Variants in FHIT observed in about 807,000 individuals in gnomAD.
FHIT encodes fragile histidine triad diadenosine triphosphatase, also known as bis(5'-adenosyl)-triphosphatase.
FHIT carries 19 observed loss-of-function variants against 17.9 expected under a neutral mutation model. The ratio of observed to expected loss-of-function variants is 1.06; its 90% confidence interval spans 0.74 to 1.56. The LOEUF (loss-of-function observed/expected upper bound fraction) is 1.56, where lower values mean the gene tolerates loss of function less well. FHIT is among the 40% of genes most tolerant of loss of function. The pLI is 0.00. For missense variants in FHIT, 248 were observed against 189.2 expected (o/e 1.31, Z -1.82); for synonymous variants, 81 against 69.7 (o/e 1.16, Z -0.81).
rs147975476 is a variant in FHIT, at chr3:60,540,508, C to G, written c.-17-3529G>C. Among the ~76,000 whole-genome samples the G allele has an allele frequency of 3.6e-3, 548 of 152,288 alleles. 1 individual carries two copies. The highest frequency in any genetic ancestry group is 0.012 in the African/African-American group (502 of 41,560). On this transcript the variant is annotated intron_variant, in intron 4 of 9. Transcript: ENST00000492590. ...AGGCTATCTCCAGGTACGTAACATC[C>G]AAATTCTTCTGAAATGAATCAAAGG... is the stretch of plus-strand genomic sequence containing the variant.
intron 3 of FHIT, among the ~76,000 whole-genome samples, chr3:60,983,541 G>T (rs1051329390): frequency 1.3e-5 from 2 of 152,184 alleles, no homozygotes; most frequent in Non-Finnish European, 2.9e-5. Context: ...CCCTGGGGGA[G>T]ATGACAGGCT....
intron 5 of FHIT, among the ~76,000 whole-genome samples, chr3:60,418,557 CTTTTTTTT>C (rs11452248): frequency 1.1e-5 from 1 of 95,194 alleles, no homozygotes; most frequent in Non-Finnish European, 2.0e-5. Context: ...TCCCTCCCAA[CTTTTTTTT>C]TTTTTTTTTT....
intron 5 of FHIT, among the ~76,000 whole-genome samples, chr3:60,202,393 T>C (rs1447436750): frequency 6.6e-6 from 1 of 152,204 alleles, no homozygotes. Context: ...TCCTTTCAAG[T>C]TCTCCTAGAG....
At chr3:61,186,484 T>C (rs1296549090) in intron 2 of FHIT, among the ~76,000 whole-genome samples, 1 of 152,190 alleles carries the variant, frequency 6.6e-6, no homozygotes, top group African/African-American at 2.4e-5. Context: ...CACAGGGAGT[T>C]GCACGGGTAG....
chr3:60,261,619 T>C (rs938990120), intron 5 of FHIT, among the ~76,000 whole-genome samples: 9 of 151,942 alleles, frequency 5.9e-5, no homozygotes, highest in African/African-American at 1.9e-4. Context: ...TCATAGTAAA[T>C]TAAATTGAGG....
intron 5 of FHIT, among the ~76,000 whole-genome samples, chr3:60,038,476 G>A (rs938191857): frequency 1.3e-5 from 2 of 152,108 alleles, no homozygotes; most frequent in Non-Finnish European, 2.9e-5. Flanking sequence ...AATATTTTCA[G>A]GTATAACTGC....
At chr3:60,018,982 AAAC>A (rs34377896) in intron 5 of FHIT, among the ~76,000 whole-genome samples, 20 of 151,874 alleles carry the variant, frequency 1.3e-4, no homozygotes, top group South Asian at 6.2e-4. Context: ...CTCTGTCTCA[AAAC>A]AACAACAACA....
At chr3:60,348,216 AAATG>A (rs1232975550) in intron 5 of FHIT, among the ~76,000 whole-genome samples, 1 of 152,234 alleles carries the variant, frequency 6.6e-6, no homozygotes, top group African/African-American at 2.4e-5. Flanking sequence ...ATGGATGAAT[AAATG>A]AATGAAAAAA....
intron 4 of FHIT, among the ~76,000 whole-genome samples, chr3:60,786,107 C>T (rs567679246): frequency 7.9e-4 from 120 of 152,188 alleles, no homozygotes; most frequent in African/African-American, 2.7e-3. Flanking sequence ...TTTTAAAAGC[C>T]TAATTTTTAG....
chr3:60,782,593 C>T (rs996370224), intron 4 of FHIT, among the ~76,000 whole-genome samples: 2 of 152,132 alleles, frequency 1.3e-5, no homozygotes, highest in South Asian at 4.1e-4. Flanking sequence ...AAGAACAGAA[C>T]AAAACAGCAA....
chr3:60,901,140 A>C (rs1706095162), intron 3 of FHIT, among the ~76,000 whole-genome samples: 2 of 152,232 alleles, frequency 1.3e-5, no homozygotes, highest in South Asian at 4.1e-4. Flanking sequence ...TCTTTAAATT[A>C]ATTTTATTTT....
intron 5 of FHIT, among the ~76,000 whole-genome samples, chr3:60,424,083 A>G (rs1420465020): frequency 1.3e-5 from 2 of 152,146 alleles, no homozygotes; most frequent in African/African-American, 4.8e-5. Context: ...GCACTTTGAA[A>G]ACATTAACTC....
At chr3:61,075,104 C>A (rs1235739748) in intron 2 of FHIT, among the ~76,000 whole-genome samples, 1 of 152,070 alleles carries the variant, frequency 6.6e-6, no homozygotes, top group African/African-American at 2.4e-5. Context: ...CAATGTTCTA[C>A]CAAAAAATGT....
In FHIT at chr3:60,099,269, A is replaced by G. The variant is rs574589978; in HGVS notation, c.104-85117T>C. Among the ~76,000 whole-genome samples the G allele has an allele frequency of 2.4e-3, 362 of 152,340 alleles. 1 individual carries two copies. Among genetic ancestry groups the G allele is most frequent in the African/African-American group, 8.1e-3 (338 of 41,580 alleles). On this transcript the variant is annotated intron_variant, in intron 5 of 9. Coordinates refer to ENST00000492590, the MANE Select transcript of FHIT (RefSeq NM_002012.4). ...CATCTACCAACCAAGAATTTTTAAC[A>G]TCTGAAATGATTCACAAATGGAATG...
At chr3:60,959,807 T>C (rs1407761454) in intron 3 of FHIT, among the ~76,000 whole-genome samples, 3 of 151,286 alleles carry the variant, frequency 2.0e-5, no homozygotes, top group Admixed American at 6.6e-5. Context: ...TTTTCTTTTT[T>C]TTTTTTTTTT....
At chr3:59,767,447 C>T (rs544213079) in intron 8 of FHIT, among the ~76,000 whole-genome samples, 20 of 151,910 alleles carry the variant, frequency 1.3e-4, no homozygotes, top group Middle Eastern at 3.2e-3. Flanking sequence ...TGCAGTGAGC[C>T]GAGATTGTAT....
intron 5 of FHIT, among the ~76,000 whole-genome samples, chr3:60,090,252 A>C (rs140065674): frequency 2.3e-4 from 35 of 152,250 alleles, no homozygotes; most frequent in African/African-American, 8.4e-4. Context: ...CAGTATGAAA[A>C]TGTGAAGGAT....
intron 8 of FHIT, among the ~76,000 whole-genome samples, chr3:59,920,669 T>G (rs1305477817): frequency 6.6e-6 from 1 of 152,242 alleles, no homozygotes; most frequent in African/African-American, 2.4e-5. Flanking sequence ...AGTATATAAT[T>G]CACGTGCTAA....
At chr3:60,792,369 C>CTT (rs1559726409) in intron 4 of FHIT, among the ~76,000 whole-genome samples, 441 of 152,266 alleles carry the variant, frequency 2.9e-3, no homozygotes, top group African/African-American at 9.9e-3. Context: ...CACACTTACA[C>CTT]AGAGAGAATA....
Sources: gnomAD v4.1 joint callset for allele counts (sites outside exome capture counted in the v4.1 genomes callset) on GRCh38, gnomAD v4.1.1 for gene constraint, MANE v1.5 for transcripts, NCBI Gene and HGNC (gene_info 2026-07-23, HGNC 2026-07-21) for gene names.